Variants in DSTN observed in about 807,000 individuals in gnomAD.
DSTN encodes destrin, actin depolymerizing factor, also known as destrin.
Under a neutral mutation model 16.8 loss-of-function variants are expected in DSTN, and 10 were observed. The observed-to-expected ratio is 0.60, with a 90% CI of 0.37 to 1.01. DSTN has a LOEUF of 1.01. DSTN is among the 50% of genes least tolerant of loss of function. The pLI is 0.01. For synonymous variants in DSTN, 57 were observed against 58.9 expected (o/e 0.97, Z 0.14); for missense variants, 141 against 196.7 (o/e 0.72, Z 1.69).
chr20:17,600,993 G>A lies in DSTN; in HGVS notation c.259G>A (p.Ala87Thr). The A allele has an allele frequency of 1.9e-6, 3 of 1,609,504 alleles. No homozygotes were observed. Among genetic ancestry groups the A allele is most frequent in the Non-Finnish European group, 2.5e-6 (3 of 1,178,174 alleles). Residue 87 changes from alanine (A) to threonine (T), a missense_variant, in exon 2 of 4, where the codon GCA (alanine) becomes ACA (threonine). By Grantham distance (58) the Ala-to-Thr change is moderately conservative. Transcript: ENST00000246069. ...EKDCRYALYD[A>T]SFETKESRKE... ...AGATTGTCGCTATGCTTTGTATGAT[G>A]CAAGCTTTGAAACAAAAGAATCCAG...
intron 1 of DSTN, among the ~76,000 whole-genome samples, chr20:17,572,055 G>A (rs1039337441): frequency 4.6e-5 from 7 of 152,138 alleles, no homozygotes; most frequent in African/African-American, 7.2e-5. Context: ...AATATTGTGG[G>A]TATTATCCCA....
chr20:17,604,708 A>G, intron 3 of DSTN, 77 bp downstream of exon 3: 1 of 1,410,760 alleles, frequency 7.1e-7, no homozygotes. Context: ...TCTGAGAAGC[A>G]CCTTATTTTT....
chr20:17,601,407 T>G (rs991768802), intron 2 of DSTN, among the ~76,000 whole-genome samples: 1 of 152,142 alleles, frequency 6.6e-6, no homozygotes, highest in Admixed American at 6.6e-5. Context: ...GAACCAGCCT[T>G]CTATCTACTC....
At chr20:17,594,063 G>A (rs1053603379) in intron 1 of DSTN, among the ~76,000 whole-genome samples, 1 of 149,356 alleles carries the variant, frequency 6.7e-6, no homozygotes, top group Non-Finnish European at 1.5e-5. Flanking sequence ...CCTGGGTGAC[G>A]AAGTGACACC....
intron 1 of DSTN, among the ~76,000 whole-genome samples, chr20:17,573,453 AT>A (rs2035230601): frequency 6.6e-6 from 1 of 151,838 alleles, no homozygotes; most frequent in African/African-American, 2.4e-5. Context: ...CCATTTCCTA[AT>A]TTTTTGCCTT....
At chr20:17,585,296 T>C (rs1440887192) in intron 1 of DSTN, among the ~76,000 whole-genome samples, 1 of 152,028 alleles carries the variant, frequency 6.6e-6, no homozygotes, top group Non-Finnish European at 1.5e-5. Flanking sequence ...TGAGAGGGAA[T>C]AGATTTGAAA....
intron 1 of DSTN, among the ~76,000 whole-genome samples, chr20:17,572,993 A>T (rs1315935803): frequency 6.6e-6 from 1 of 152,146 alleles, no homozygotes; most frequent in Non-Finnish European, 1.5e-5. Flanking sequence ...GGTTAAGGAG[A>T]TGATTTTATT....
At chr20:17,605,242 C>CAA (rs1271594964) in intron 3 of DSTN, 1 of 453,708 alleles carries the variant, frequency 2.2e-6, no homozygotes, top group Non-Finnish European at 4.4e-6. Flanking sequence ...GTGCATGGGG[C>CAA]AAGTGCCCAA....
chr20:17,585,647 A>T (rs539496477), intron 1 of DSTN, among the ~76,000 whole-genome samples: 1 of 152,304 alleles, frequency 6.6e-6, no homozygotes, highest in African/African-American at 2.4e-5. Context: ...ACACACACAT[A>T]TATACACACA....
intron 1 of DSTN, chr20:17,599,776 TCTC>T (rs1192437878): frequency 3.9e-5 from 6 of 152,192 alleles, no homozygotes; most frequent in African/African-American, 1.4e-4. Context: ...TACAGCCACA[TCTC>T]CTGCAATCAC....
At chr20:17,606,509 T>C (rs908078403) in intron 3 of DSTN, among the ~76,000 whole-genome samples, 1 of 152,256 alleles carries the variant, frequency 6.6e-6, no homozygotes, top group Non-Finnish European at 1.5e-5. Flanking sequence ...TTTTATGTTT[T>C]AAAAACCAAG....
intron 1 of DSTN, among the ~76,000 whole-genome samples, chr20:17,581,670 C>T (rs936938037): frequency 1.3e-5 from 2 of 152,048 alleles, no homozygotes; most frequent in Non-Finnish European, 2.9e-5. Context: ...AAAGATGGCT[C>T]GTAAGGCTTA....
intron 2 of DSTN, among the ~76,000 whole-genome samples, chr20:17,603,528 C>T (rs557497788): frequency 6.6e-6 from 1 of 152,266 alleles, no homozygotes; most frequent in East Asian, 1.9e-4. Flanking sequence ...GATATTTTAG[C>T]AGTGTGGCAT....
intron 1 of DSTN, chr20:17,596,844 C>A: frequency 1.0e-6 from 1 of 979,436 alleles, no homozygotes; most frequent in Non-Finnish European, 1.2e-6. Context: ...TTGCAGAATG[C>A]ACATTTACTT....
At chr20:17,595,091 A>G (rs2035511681) in intron 1 of DSTN, among the ~76,000 whole-genome samples, 1 of 152,198 alleles carries the variant, frequency 6.6e-6, no homozygotes, top group East Asian at 1.9e-4. Context: ...GGAAGAATGC[A>G]GAGTTCGTCC....
chr20:17,604,713 AT>A, intron 3 of DSTN, 82 bp downstream of exon 3: 4 of 1,350,152 alleles, frequency 3.0e-6, no homozygotes, highest in Non-Finnish European at 4.1e-6. Context: ...GAAGCACCTT[AT>A]TTTTTTGCAG....
chr20:17,596,346 A>G (rs192768556), intron 1 of DSTN, among the ~76,000 whole-genome samples: 110 of 152,270 alleles, frequency 7.2e-4, no homozygotes, highest in Non-Finnish European at 1.3e-3. Context: ...AAGCCTTCCA[A>G]CGAGATCCGT....
chr20:17,574,725 CAAAA>C (rs775060379), intron 1 of DSTN, among the ~76,000 whole-genome samples: 15 of 52,982 alleles, frequency 2.8e-4, no homozygotes, highest in South Asian at 1.7e-3. Flanking sequence ...GACTCAGTCT[CAAAA>C]AAAAAAAAAA....
At chr20:17,595,247 G>C (rs543088778) in intron 1 of DSTN, among the ~76,000 whole-genome samples, 1 of 152,190 alleles carries the variant, frequency 6.6e-6, no homozygotes, top group East Asian at 1.9e-4. Context: ...CGTCATAGCT[G>C]TTCTGAATTG....
Sources: gnomAD v4.1 joint callset for allele counts (sites outside exome capture counted in the v4.1 genomes callset) on GRCh38, gnomAD v4.1.1 for gene constraint, MANE v1.5 for transcripts, NCBI Gene and HGNC (gene_info 2026-07-23, HGNC 2026-07-21) for gene names.